OR5AS1: variants seen among roughly 807,000 people sequenced by gnomAD.
The protein encoded by OR5AS1 is olfactory receptor 5AS1.
For missense variants in OR5AS1, 492 were observed against 378.2 expected (o/e 1.30, Z -2.50); for synonymous variants, 196 against 141.7 (o/e 1.38, Z -2.72).
In OR5AS1 at chr11:56,031,868, CA is replaced by C. The variant is rs1483512717; in HGVS notation, c.*480del. ...CAAGGTCATCGCCAAGGTCTGATTT[CA>C]AAAATTCAAAATATTGTAACCTCAG... On this transcript the variant is annotated 3_prime_UTR_variant, in exon 2 of 2. Coordinates refer to ENST00000641320, the MANE Select transcript of OR5AS1 (RefSeq NM_001001921.2). 6.6e-6 allele frequency: 1 copy of C among 152,618 alleles called. No homozygotes were observed. Among genetic ancestry groups the C allele is most frequent in the Non-Finnish European group, 1.5e-5 (1 of 68,500 alleles). The allele number at this position is 152,618 out of a possible 1,614,324, so 9.5% of individuals were successfully genotyped here. A position where few individuals can be genotyped will look rare whatever the true frequency, so the allele number is the denominator to read the frequency against.
chr11:56,028,964 A>G (rs1319539529), intron 1 of OR5AS1, among the ~76,000 whole-genome samples: 3 of 151,900 alleles, frequency 2.0e-5, no homozygotes, highest in Non-Finnish European at 4.4e-5. Context: ...AAATGTGTAC[A>G]TTTTTCTAGT....
Position 56,030,782 on chromosome 11 carries a change from C to T in OR5AS1, c.364C>T (p.Arg122Cys), listed in dbSNP as rs775842242. 64 of 1,613,848 alleles carry T rather than the reference C, an allele frequency of 4.0e-5. No individual in the cohort carries two copies. Among genetic ancestry groups the T allele is most frequent in the Non-Finnish European group, 4.7e-5 (56 of 1,179,964 alleles). Residue 122 changes from arginine (R) to cysteine (C), a missense_variant, in exon 2 of 2, where the codon CGC becomes TGC. By Grantham distance (180) the Arg-to-Cys change is radical. Transcript: ENST00000641320. ...TATCCTGGCAGCAATGGCTTATGACCGCTATGCAGCCATCTGCAACCCACT... is the reference window on the plus strand; with the variant it reads ...TATCCTGGCAGCAATGGCTTATGACTGCTATGCAGCCATCTGCAACCCACT... Reference protein sequence around the residue: ...CLILAAMAYDRYAAICNPLLY... With the variant: ...CLILAAMAYDCYAAICNPLLY...
rs755624370 is a variant in OR5AS1 at position 56,030,525 on chromosome 11, C to T, written c.107C>T (p.Thr36Ile). The change falls in exon 2 of 2, where the codon ACA (threonine) becomes ATA (isoleucine). Residue 36 changes from threonine to isoleucine, a missense_variant. Physicochemically the swap from Thr to Ile is moderately conservative, Grantham distance 89. Transcript: ENST00000641320. Reference sequence around the variant, plus strand: ...TTCTTGGTATTCCTTCTGGTATATACATTAACTATGGTCGGAAATATACTC... The same window carrying T: ...TTCTTGGTATTCCTTCTGGTATATATATTAACTATGGTCGGAAATATACTC... ...TLFLVFLLVY[T>I]LTMVGNILLI... The T allele has an allele frequency of 6.4e-7, 1 of 1,552,910 alleles. No individual in the cohort carries two copies. The highest frequency in any genetic ancestry group is 8.7e-7 in the Non-Finnish European group (1 of 1,145,454).
chr11:56,037,777 T>C lies in OR5AS1; in HGVS notation c.*6384T>C, dbSNP rs1230638437. On this transcript the variant is annotated 3_prime_UTR_variant, in exon 2 of 2. Coordinates refer to ENST00000641320, the MANE Select transcript of OR5AS1 (RefSeq NM_001001921.2). ...GAAAAAAAAAAAAACTACTTTAAAT[T>C]TCATGTGGAACCAGAAAACAGCCCA... 4 of 152,020 alleles carry C rather than the reference T, an allele frequency of 2.6e-5. No individual in the cohort carries two copies. In the East Asian group the frequency reaches 7.7e-4, roughly 29 times the overall value. The allele number at this position is 152,020 out of a possible 1,614,324, so 9.4% of individuals were successfully genotyped here.
chr11:56,037,276 G>C lies in OR5AS1; in HGVS notation c.*5883G>C, dbSNP rs1407124342. Reference sequence around the variant, plus strand: ...AGTGCTGGCCAGGGCAATCAGGCAAGATAAAGAAATAAAGGATATTCAAAT... The same window carrying C: ...AGTGCTGGCCAGGGCAATCAGGCAACATAAAGAAATAAAGGATATTCAAAT... On this transcript the variant is annotated 3_prime_UTR_variant, in exon 2 of 2. Coordinates refer to ENST00000641320, the MANE Select transcript of OR5AS1 (RefSeq NM_001001921.2). 1 of 152,034 alleles carries C rather than the reference G, an allele frequency of 6.6e-6. No individual in the cohort carries two copies. Among genetic ancestry groups the C allele is most frequent in the Admixed American group, 6.6e-5 (1 of 15,242 alleles). The allele number at this position is 152,034 out of a possible 1,614,324, so 9.4% of individuals were successfully genotyped here. A position where few individuals can be genotyped will look rare whatever the true frequency, so the allele number is the denominator to read the frequency against.
rs1348454394 is a variant in OR5AS1, at chr11:56,031,112, G to A, written c.694G>A (p.Gly232Ser). The A allele has an allele frequency of 6.2e-7, 1 of 1,614,006 alleles. No homozygotes were observed. ...CACTGTGTTGAGCATCAAGTCCTCAGGTGGCAGAAGCAAAACATTCTCCAC... is the reference window on the plus strand; with the variant it reads ...CACTGTGTTGAGCATCAAGTCCTCAAGTGGCAGAAGCAAAACATTCTCCAC... ...LITVLSIKSS[G>S]GRSKTFSTCA... Residue 232 changes from glycine to serine, a missense_variant, in exon 2 of 2, where the codon GGT (glycine) becomes AGT (serine). Gly to Ser is a moderately conservative substitution (Grantham distance 56, BLOSUM62 0). Transcript: ENST00000641320.
At position 56,032,143 on chromosome 11, in the gene OR5AS1, T is replaced by C. The variant is rs1853358258; in HGVS notation, c.*750T>C. 1 of 152,136 alleles carries C rather than the reference T, an allele frequency of 6.6e-6. No homozygotes were observed. The highest frequency in any genetic ancestry group is 1.5e-5 in the Non-Finnish European group (1 of 68,034). 9.4% of individuals were successfully genotyped at this position (152,136 alleles called of 1,614,324 possible). ...TAAGTCAGAATGAAGATACATCACA[T>C]TGTCTTTGGGCTAAGTTGATTACTG... On this transcript the variant is annotated 3_prime_UTR_variant, in exon 2 of 2. Transcript: ENST00000641320.
chr11:56,031,079 A>G lies in OR5AS1; in HGVS notation c.661A>G (p.Ile221Val). 6.2e-7 allele frequency: 1 copy of G among 1,614,078 alleles called. No homozygotes were observed. The highest frequency in any genetic ancestry group is 8.5e-7 in the Non-Finnish European group (1 of 1,179,990). ...GGTAATATTTATTTCTTACTTCTGCATCCTCATCACTGTGTTGAGCATCAA... is the reference window on the plus strand; with the variant it reads ...GGTAATATTTATTTCTTACTTCTGCGTCCTCATCACTGTGTTGAGCATCAA... ...FVVIFISYFC[I>V]LITVLSIKSS... Residue 221 changes from isoleucine to valine, a missense_variant, in exon 2 of 2, where the codon ATC (isoleucine) becomes GTC (valine). Physicochemically the swap from Ile to Val is conservative, Grantham distance 29 (BLOSUM62 3). Coordinates refer to ENST00000641320, the MANE Select transcript of OR5AS1 (RefSeq NM_001001921.2).
chr11:56,028,354 T>C (rs903380620), intron 1 of OR5AS1, among the ~76,000 whole-genome samples: 1 of 151,996 alleles, frequency 6.6e-6, no homozygotes, highest in African/African-American at 2.4e-5. Flanking sequence ...TCTAGAAAAT[T>C]ATATTTGGAC....
rs1329698217 is a variant in OR5AS1 at position 56,037,093 on chromosome 11, T to A, written c.*5700T>A. The A allele has an allele frequency of 6.6e-6, 1 of 152,024 alleles. No individual in the cohort carries two copies. The highest frequency in any genetic ancestry group is 1.5e-5 in the Non-Finnish European group (1 of 68,008). 9.4% of individuals were successfully genotyped at this position (152,024 alleles called of 1,614,324 possible). On this transcript the variant is annotated 3_prime_UTR_variant, in exon 2 of 2. Coordinates refer to ENST00000641320, the MANE Select transcript of OR5AS1 (RefSeq NM_001001921.2). ...TTCGTGCTAAAAACTCTCAATAAACTAGGTATTGACAAACATATCTCCAAA... is the reference window on the plus strand; with the variant it reads ...TTCGTGCTAAAAACTCTCAATAAACAAGGTATTGACAAACATATCTCCAAA...
In OR5AS1 at chr11:56,031,123, C is replaced by A; in HGVS notation, c.705C>A (p.Ser235Arg). 1 of 1,614,076 alleles carries A rather than the reference C, an allele frequency of 6.2e-7. No individual in the cohort carries two copies. Among genetic ancestry groups the A allele is most frequent in the South Asian group, 1.1e-5 (1 of 91,080 alleles). Residue 235 changes from serine (S) to arginine (R), a missense_variant, in exon 2 of 2, where the codon AGC becomes AGA. Physicochemically the swap from Ser to Arg is moderately radical, Grantham distance 110 (BLOSUM62 -1). Coordinates refer to ENST00000641320, the MANE Select transcript of OR5AS1 (RefSeq NM_001001921.2). ...VLSIKSSGGR[S>R]KTFSTCASHL... ...GCATCAAGTCCTCAGGTGGCAGAAG[C>A]AAAACATTCTCCACTTGTGCTTCCC...
rs1853352090 is a variant in OR5AS1 at position 56,031,555 on chromosome 11, C to T, written c.*162C>T. Reference sequence around the variant, plus strand: ...AAAATGTTCTCTCCACAATTCTACTCTATAAAACATTACCTAATTAAACAT... The same window carrying T: ...AAAATGTTCTCTCCACAATTCTACTTTATAAAACATTACCTAATTAAACAT... On this transcript the variant is annotated 3_prime_UTR_variant, in exon 2 of 2. Coordinates refer to ENST00000641320, the MANE Select transcript of OR5AS1 (RefSeq NM_001001921.2). 3.8e-6 allele frequency: 2 copies of T among 528,002 alleles called. No homozygotes were observed. The highest frequency in any genetic ancestry group is 3.8e-5 in the African/African-American group (2 of 52,708). 32.7% of individuals were successfully genotyped at this position (528,002 alleles called of 1,614,324 possible).
chr11:56,037,352 A>G lies in OR5AS1; in HGVS notation c.*5959A>G, dbSNP rs1853417079. 3.3e-5 allele frequency: 5 copies of G among 152,084 alleles called. No individual in the cohort carries two copies. The highest frequency in any genetic ancestry group is 3.3e-4 in the Admixed American group (5 of 15,276). The allele number at this position is 152,084 out of a possible 1,614,324, so 9.4% of individuals were successfully genotyped here. ...CTGTTTGCAGATGACATGATTGTAT[A>G]TTTAGAAAACCCCATCGTCTCAGGC... is the stretch of plus-strand genomic sequence containing the variant. On this transcript the variant is annotated 3_prime_UTR_variant, in exon 2 of 2. Transcript: ENST00000641320.
Position 56,035,129 on chromosome 11 carries a change from T to C in OR5AS1, c.*3736T>C, listed in dbSNP as rs1186563586. The stretch of plus-strand genomic sequence containing the variant: ...GAGCTCCTGAAGGAAGCACTAAACA[T>C]GGAAAGGTACAACTGGTAACAGCCA... On this transcript the variant is annotated 3_prime_UTR_variant, in exon 2 of 2. Transcript: ENST00000641320. 6.6e-6 allele frequency: 1 copy of C among 151,954 alleles called. No individual in the cohort carries two copies. Among genetic ancestry groups the C allele is most frequent in the Admixed American group, 6.6e-5 (1 of 15,254 alleles). The allele number at this position is 151,954 out of a possible 1,614,324, so 9.4% of individuals were successfully genotyped here.
rs758152175 is a variant in OR5AS1 at position 56,036,001 on chromosome 11, TGG to T, written c.*4609_*4610del. ...ACTCACTCAAAACCACACATCTACATGGAAACTGAACAACCTGCTCATGAATG... is the reference window on the plus strand; with the variant it reads ...ACTCACTCAAAACCACACATCTACATAAACTGAACAACCTGCTCATGAATG... On this transcript the variant is annotated 3_prime_UTR_variant, in exon 2 of 2. Coordinates refer to ENST00000641320, the MANE Select transcript of OR5AS1 (RefSeq NM_001001921.2). The T allele has an allele frequency of 6.6e-6, 1 of 152,022 alleles. No individual in the cohort carries two copies. Among genetic ancestry groups the T allele is most frequent in the Non-Finnish European group, 1.5e-5 (1 of 68,034 alleles). The allele number at this position is 152,022 out of a possible 1,614,324, so 9.4% of individuals were successfully genotyped here.
At position 56,037,638 on chromosome 11, in the gene OR5AS1, A is replaced by T. The variant is rs76492740; in HGVS notation, c.*6245A>T. On this transcript the variant is annotated 3_prime_UTR_variant, in exon 2 of 2. Coordinates refer to ENST00000641320, the MANE Select transcript of OR5AS1 (RefSeq NM_001001921.2). ...ACACAAACAAATGGAAAAACATTCCATGCTCATGGATATGAAGAATCAATA... is the reference window on the plus strand; with the variant it reads ...ACACAAACAAATGGAAAAACATTCCTTGCTCATGGATATGAAGAATCAATA... The T allele has an allele frequency of 6.6e-6, 1 of 152,120 alleles. No individual in the cohort carries two copies. The highest frequency in any genetic ancestry group is 1.5e-5 in the Non-Finnish European group (1 of 68,040). The allele number at this position is 152,120 out of a possible 1,614,324, so 9.4% of individuals were successfully genotyped here. A position where few individuals can be genotyped will look rare whatever the true frequency, so the allele number is the denominator to read the frequency against.
Position 56,038,017 on chromosome 11 carries a change from G to A in OR5AS1, c.*6624G>A, listed in dbSNP as rs1455339609. The A allele has an allele frequency of 1.3e-5, 2 of 152,100 alleles. No homozygotes were observed. Among genetic ancestry groups the A allele is most frequent in the African/African-American group, 4.8e-5 (2 of 41,368 alleles). 9.4% of individuals were successfully genotyped at this position (152,100 alleles called of 1,614,324 possible). The stretch of plus-strand genomic sequence containing the variant: ...CAAACCTGACAAAAACAAGCAATGA[G>A]GAAAGGATTCCCTATTTAATAAATG... On this transcript the variant is annotated 3_prime_UTR_variant, in exon 2 of 2. Transcript: ENST00000641320.
intron 1 of OR5AS1, among the ~76,000 whole-genome samples, chr11:56,028,826 A>G (rs1853320036): frequency 6.6e-6 from 1 of 152,038 alleles, no homozygotes; most frequent in Non-Finnish European, 1.5e-5. Flanking sequence ...ACTTGTTTGG[A>G]TGAGCCTGTG....
rs572735246 is a variant in OR5AS1 at position 56,036,829 on chromosome 11, C to G, written c.*5436C>G. ...AGAGACACAGCAAAAAAAGAACATGCCAGGCCAATATCCCTGATGAACATG... is the reference window on the plus strand; with the variant it reads ...AGAGACACAGCAAAAAAAGAACATGGCAGGCCAATATCCCTGATGAACATG... On this transcript the variant is annotated 3_prime_UTR_variant, in exon 2 of 2. Coordinates refer to ENST00000641320, the MANE Select transcript of OR5AS1 (RefSeq NM_001001921.2). The G allele has an allele frequency of 1.3e-5, 2 of 151,926 alleles. No individual in the cohort carries two copies. The highest frequency in any genetic ancestry group is 4.8e-5 in the African/African-American group (2 of 41,338). The allele number at this position is 151,926 out of a possible 1,614,324, so 9.4% of individuals were successfully genotyped here. A position where few individuals can be genotyped will look rare whatever the true frequency, so the allele number is the denominator to read the frequency against.
Sources: allele counts gnomAD v4.1 joint callset (sites outside exome capture counted in the v4.1 genomes callset), GRCh38; gene constraint gnomAD v4.1.1; transcripts MANE v1.5; gene names NCBI Gene and HGNC (gene_info 2026-07-23, HGNC 2026-07-21).